The following AKAP13 variants were observed in gnomAD, a reference collection of about 807,000 sequenced individuals.
AKAP13 encodes A-kinase anchor protein 13.
In AKAP13, 80 loss-of-function variants were observed where a neutral mutation model predicts 264.5. The observed-to-expected ratio is 0.30, with a 90% CI of 0.25 to 0.36. The LOEUF (loss-of-function observed/expected upper bound fraction) is 0.36. AKAP13 is among the 10% of genes least tolerant of loss of function. AKAP13 has a pLI of 1.00. For missense variants in AKAP13, 3,712 were observed against 3,435.2 expected, an observed-to-expected ratio of 1.08 and a Z score of -2.01; for synonymous variants, 1,380 against 1,250.2, an observed-to-expected ratio of 1.10 and a Z score of -2.19.
At chr15:85,609,489 G>A (rs1022930267) in intron 8 of AKAP13, among the ~76,000 whole-genome samples, 4 of 152,142 alleles carry the variant, frequency 2.6e-5, no homozygotes, top group Admixed American at 6.5e-5. Context: ...TTGTGTATAT[G>A]TACCACATTT....
At chr15:85,629,650 T>G (rs2081595258) in intron 8 of AKAP13, among the ~76,000 whole-genome samples, 1 of 152,140 alleles carries the variant, frequency 6.6e-6, no homozygotes, top group Non-Finnish European at 1.5e-5. Context: ...GAGTGTGTTT[T>G]CTTCCTCTCT....
At chr15:85,443,656 C>T (rs1183701559) in intron 1 of AKAP13, among the ~76,000 whole-genome samples, 1 of 152,036 alleles carries the variant, frequency 6.6e-6, no homozygotes, top group East Asian at 1.9e-4. Flanking sequence ...TCTTATGTGA[C>T]CGACTGCTGT....
chr15:85,593,073 G>T (rs976289353), intron 8 of AKAP13, among the ~76,000 whole-genome samples: 22 of 152,182 alleles, frequency 1.4e-4, no homozygotes, highest in Admixed American at 1.2e-3. Flanking sequence ...ACTTCGGGAG[G>T]CTGAGGCAGG....
At chr15:85,459,023 A>G (rs1282607237) in intron 1 of AKAP13, among the ~76,000 whole-genome samples, 2 of 152,202 alleles carry the variant, frequency 1.3e-5, no homozygotes, top group African/African-American at 4.8e-5. Flanking sequence ...TTTTGTGCGA[A>G]TGATTCCCAA....
intron 8 of AKAP13, among the ~76,000 whole-genome samples, chr15:85,592,889 T>G (rs1196088753): frequency 6.6e-6 from 1 of 152,204 alleles, no homozygotes; most frequent in Non-Finnish European, 1.5e-5. Flanking sequence ...AAGGTATAAT[T>G]TAATGATCTA....
intron 17 of AKAP13, among the ~76,000 whole-genome samples, chr15:85,698,311 CAA>C (rs2085680546): frequency 1.3e-5 from 2 of 151,548 alleles, no homozygotes; most frequent in Admixed American, 6.6e-5. Context: ...TACTAAAATA[CAA>C]AAGTTAGTCG....
At chr15:85,490,725 T>C (rs1028755193) in intron 2 of AKAP13, among the ~76,000 whole-genome samples, 1 of 152,228 alleles carries the variant, frequency 6.6e-6, no homozygotes, top group African/African-American at 2.4e-5. Flanking sequence ...AGGTGCCTTC[T>C]TTGTGCCAAG....
chr15:85,580,828 C>T lies in AKAP13; in HGVS notation c.2760C>T (p.Ser920=). The T allele has an allele frequency of 6.2e-7, 1 of 1,614,108 alleles. No homozygotes were observed. Residue 920 remains serine, a synonymous_variant, in exon 7 of 37, where the codon AGC becomes AGT. Coordinates refer to ENST00000394518, the MANE Select transcript of AKAP13 (RefSeq NM_007200.5). ...GAAAACTTCTGGTGGTTTCAGAAAG[C>T]TCTGCAGCTCAGGAACAAGATAAGG... ...EEGKLLVVSE[S]SAAQEQDKDK...
At chr15:85,479,625 A>G (rs1462304611) in intron 1 of AKAP13, among the ~76,000 whole-genome samples, 3 of 152,156 alleles carry the variant, frequency 2.0e-5, no homozygotes, top group African/African-American at 7.2e-5. Flanking sequence ...GAGAGTGACA[A>G]AAACCCTGTC....
At chr15:85,423,138 GGCT>G (rs1200360394) in intron 1 of AKAP13, among the ~76,000 whole-genome samples, 2 of 152,198 alleles carry the variant, frequency 1.3e-5, no homozygotes, top group African/African-American at 4.8e-5. Context: ...TGATGTGGAT[GGCT>G]GCTAACTGAT....
At chr15:85,504,302 A>C (rs1418162218) in intron 2 of AKAP13, among the ~76,000 whole-genome samples, 1 of 152,008 alleles carries the variant, frequency 6.6e-6, no homozygotes, top group African/African-American at 2.4e-5. Flanking sequence ...GAGGGGAAGG[A>C]GCGAGGAATG....
Position 85,717,481 on chromosome 15 carries a change from T to TG in AKAP13, c.5848+81dup, listed in dbSNP as rs2151716382. 5 of 980,064 alleles carry TG rather than the reference T, an allele frequency of 5.1e-6. No homozygotes were observed. In the East Asian group the frequency reaches 1.1e-4, roughly 21 times the overall value. The allele number at this position is 980,064 out of a possible 1,614,324, so 60.7% of individuals were successfully genotyped here. On this transcript the variant is annotated intron_variant, in intron 21 of 36. Transcript: ENST00000394518. ...TCATTACCTAGAACATAAGTCTTAATGGAGTGACAGTACCTGCCTCTTCTG... is the reference window on the plus strand; with the variant it reads ...TCATTACCTAGAACATAAGTCTTAATGGGAGTGACAGTACCTGCCTCTTCTG...
intron 1 of AKAP13, among the ~76,000 whole-genome samples, chr15:85,464,030 CT>C (rs1435958211): frequency 6.6e-6 from 1 of 152,208 alleles, no homozygotes; most frequent in African/African-American, 2.4e-5. Context: ...TCCCGAGGCC[CT>C]GTTCCTACTT....
At chr15:85,613,685 A>T (rs113150117) in intron 8 of AKAP13, among the ~76,000 whole-genome samples, 10,133 of 62,134 alleles carry the variant, frequency 0.16, 1,339 homozygotes, top group East Asian at 0.43. Context: ...CGTCTAAAAA[A>T]AAAAAAATAT....
At chr15:85,662,593 C>T in intron 12 of AKAP13, 1 of 917,880 alleles carries the variant, frequency 1.1e-6, no homozygotes, top group Non-Finnish European at 1.7e-6. Flanking sequence ...CATTTCATTG[C>T]CTTTGCTATG....
intron 1 of AKAP13, among the ~76,000 whole-genome samples, chr15:85,450,075 T>A (rs1044638499): frequency 6.6e-6 from 1 of 152,078 alleles, no homozygotes; most frequent in African/African-American, 2.4e-5. Context: ...TATGCTTTTA[T>A]TACTGATTCA....
At position 85,626,900 on chromosome 15, in the gene AKAP13, C is replaced by T. The variant is rs543664723; in HGVS notation, c.4162-12474C>T. ...AAGAATTCCAATTTCAACACATCCTCGCCAACACTTATTTTCTATCTTTTT... is the reference window on the plus strand; with the variant it reads ...AAGAATTCCAATTTCAACACATCCTTGCCAACACTTATTTTCTATCTTTTT... On this transcript the variant is annotated intron_variant, in intron 8 of 36. Coordinates refer to ENST00000394518, the MANE Select transcript of AKAP13 (RefSeq NM_007200.5). Among the ~76,000 whole-genome samples, 8 of 152,240 alleles carry T rather than the reference C, an allele frequency of 5.3e-5. No individual in the cohort carries two copies. In the South Asian group the frequency reaches 1.5e-3, roughly 28 times the overall value.
At chr15:85,646,281 C>T (rs1012134947) in intron 10 of AKAP13, among the ~76,000 whole-genome samples, 3 of 152,130 alleles carry the variant, frequency 2.0e-5, no homozygotes, top group Non-Finnish European at 4.4e-5. Context: ...TCGAGACCAG[C>T]CTGGCCAACA....
intron 1 of AKAP13, among the ~76,000 whole-genome samples, chr15:85,442,908 G>A (rs1297451097): frequency 6.6e-6 from 1 of 152,060 alleles, no homozygotes; most frequent in Admixed American, 6.6e-5. Context: ...ATCCCAGAAA[G>A]CTCTGTGAAG....
Sources: gnomAD v4.1 joint callset for allele counts (sites outside exome capture counted in the v4.1 genomes callset) on GRCh38, gnomAD v4.1.1 for gene constraint, MANE v1.5 for transcripts, NCBI Gene and HGNC (gene_info 2026-07-23, HGNC 2026-07-21) for gene names.